Variants in KITLG observed in about 807,000 individuals in gnomAD.
KITLG encodes the protein c-Kit ligand.
Under a neutral mutation model 34.1 loss-of-function variants are expected in KITLG, and 13 were observed. The observed-to-expected ratio is 0.38, with a 90% CI of 0.25 to 0.61. The LOEUF (loss-of-function observed/expected upper bound fraction) is 0.61. KITLG is among the 20% of genes least tolerant of loss of function. KITLG has a pLI of 0.60. For synonymous variants in KITLG, 110 were observed against 104.0 expected, an observed-to-expected ratio of 1.06 and a Z score of -0.35; for missense variants, 292 against 318.9, an observed-to-expected ratio of 0.92 and a Z score of 0.64.
At chr12:88,556,388 A>C (rs1034036045) in intron 1 of KITLG, among the ~76,000 whole-genome samples, 4 of 152,144 alleles carry the variant, frequency 2.6e-5, no homozygotes, top group African/African-American at 9.7e-5. Context: ...TGAAGGATGG[A>C]CTGGGGGAGA....
intron 1 of KITLG, among the ~76,000 whole-genome samples, chr12:88,551,034 T>C (rs1366899841): frequency 1.3e-5 from 2 of 152,174 alleles, no homozygotes; most frequent in East Asian, 3.8e-4. Context: ...AAAAATCCAC[T>C]GGGTCAATGC....
chr12:88,576,601 T>A (rs1871832835), intron 1 of KITLG, among the ~76,000 whole-genome samples: 1 of 152,106 alleles, frequency 6.6e-6, no homozygotes, highest in African/African-American at 2.4e-5. Context: ...AAAACAGAAA[T>A]CCCAAAAAGT....
intron 1 of KITLG, among the ~76,000 whole-genome samples, chr12:88,565,005 G>A (rs941992406): frequency 4.6e-5 from 7 of 152,148 alleles, no homozygotes; most frequent in East Asian, 1.9e-4. Context: ...CTTCCTCCAC[G>A]CTTAATCTCT....
At chr12:88,519,689 C>T (rs552708572) in intron 3 of KITLG, among the ~76,000 whole-genome samples, 6 of 152,064 alleles carry the variant, frequency 3.9e-5, no homozygotes, top group Non-Finnish European at 8.8e-5. Context: ...GGGGTGCAAT[C>T]ATGGTTCACT....
At chr12:88,561,508 T>G (rs1871297397) in intron 1 of KITLG, among the ~76,000 whole-genome samples, 1 of 152,222 alleles carries the variant, frequency 6.6e-6, no homozygotes, top group East Asian at 1.9e-4. Flanking sequence ...CTTAGCACAC[T>G]CTTACTGGAA....
Position 88,515,582 on chromosome 12 carries a change from G to T in KITLG, c.556C>A (p.Pro186Thr), listed in dbSNP as rs1869427025. The T allele has an allele frequency of 1.2e-6, 2 of 1,610,794 alleles. No individual in the cohort carries two copies. The highest frequency in any genetic ancestry group is 1.7e-5 in the Admixed American group (1 of 59,864). The stretch of plus-strand genomic sequence containing the variant: ...CTAAGGGAGCTGGCTGCAACAGGGG[G>T]TAACATAAATGGTTTTGTGACACTG... ...RVSVTKPFMLPPVAASSLRND... is the reference protein window; with the variant it reads ...RVSVTKPFMLTPVAASSLRND... Residue 186 changes from proline to threonine, a missense_variant, in exon 6 of 10, where the codon CCC becomes ACC. By Grantham distance (38) the Pro-to-Thr change is conservative (BLOSUM62 -1). Around this residue, in one of 2 missense-constraint regions of KITLG, gnomAD observed 140 missense variants for 111.0 expected, o/e 1.26. Transcript: ENST00000644744.
chr12:88,561,944 G>C, intron 1 of KITLG, among the ~76,000 whole-genome samples: 1 of 48,038 alleles, frequency 2.1e-5, no homozygotes. Flanking sequence ...GTCTTAAGGA[G>C]CACCTCTTAT....
chr12:88,496,968 C>T lies in KITLG; in HGVS notation c.*251G>A. The T allele has an allele frequency of 5.2e-6, 1 of 191,080 alleles. No individual in the cohort carries two copies. The highest frequency in any genetic ancestry group is 7.7e-5 in the South Asian group (1 of 13,000). The allele number at this position is 191,080 out of a possible 1,614,324, so 11.8% of individuals were successfully genotyped here. ...CTAAATGAGACCCAAGTCCCGCAGT[C>T]CTTAAAATAGAGTCCTGCTCCATGC... On this transcript the variant is annotated 3_prime_UTR_variant, in exon 10 of 10. Coordinates refer to ENST00000644744, the MANE Select transcript of KITLG (RefSeq NM_000899.5).
At chr12:88,527,243 A>G (rs1361193242) in intron 3 of KITLG, among the ~76,000 whole-genome samples, 1 of 152,202 alleles carries the variant, frequency 6.6e-6, no homozygotes, top group Non-Finnish European at 1.5e-5. Context: ...AAGCCATTCA[A>G]TGAATATAAA....
At chr12:88,546,891 G>A (rs1451312856) in intron 1 of KITLG, among the ~76,000 whole-genome samples, 2 of 152,158 alleles carry the variant, frequency 1.3e-5, no homozygotes, top group African/African-American at 2.4e-5. Context: ...GAACACAGAA[G>A]AGGAAGCAAT....
rs1328973805 is a variant in KITLG, at chr12:88,580,342, G to A, written c.-64C>T. ...GTGGCGACTCCGTTTAGCTGTTCTGGAGCTCCAGCATATTGCACGAACAGC... is the reference window on the plus strand; with the variant it reads ...GTGGCGACTCCGTTTAGCTGTTCTGAAGCTCCAGCATATTGCACGAACAGC... On this transcript the variant is annotated 5_prime_UTR_variant, in exon 1 of 10. Coordinates refer to ENST00000644744, the MANE Select transcript of KITLG (RefSeq NM_000899.5). 1.9e-6 allele frequency: 3 copies of A among 1,594,462 alleles called. No individual in the cohort carries two copies. Among genetic ancestry groups the A allele is most frequent in the East Asian group, 4.5e-5 (2 of 44,436 alleles).
At chr12:88,511,768 C>A (rs187055465) in intron 6 of KITLG, among the ~76,000 whole-genome samples, 1 of 152,188 alleles carries the variant, frequency 6.6e-6, no homozygotes, top group East Asian at 1.9e-4. Context: ...TTAAGACAAG[C>A]AATATTGGAG....
At chr12:88,520,370 G>A (rs765289410) in intron 3 of KITLG, among the ~76,000 whole-genome samples, 10 of 152,110 alleles carry the variant, frequency 6.6e-5, no homozygotes, top group South Asian at 2.1e-4. Context: ...CTTATAGACC[G>A]TCAGCCCTAT....
At chr12:88,543,232 G>A (rs1340633402) in intron 2 of KITLG, among the ~76,000 whole-genome samples, 3 of 152,040 alleles carry the variant, frequency 2.0e-5, no homozygotes, top group African/African-American at 7.2e-5. Flanking sequence ...ATTTACATTA[G>A]GTATTTCTCC....
chr12:88,538,447 T>A (rs1471667974), intron 2 of KITLG, among the ~76,000 whole-genome samples: 1 of 151,576 alleles, frequency 6.6e-6, no homozygotes, highest in East Asian at 1.9e-4. Context: ...TTCTATAAAT[T>A]CAGTCTGGTT....
intron 1 of KITLG, among the ~76,000 whole-genome samples, chr12:88,557,657 A>AT (rs1304369370): frequency 6.6e-6 from 1 of 152,170 alleles, no homozygotes; most frequent in Non-Finnish European, 1.5e-5. Flanking sequence ...CTAGGTTTAT[A>AT]TATCTACCGC....
At chr12:88,552,091 G>A (rs573824459) in intron 1 of KITLG, among the ~76,000 whole-genome samples, 25 of 152,050 alleles carry the variant, frequency 1.6e-4, no homozygotes, top group African/African-American at 2.7e-4. Context: ...TTCTCCCCTA[G>A]AGCCTTTGGA....
chr12:88,543,699 C>A (rs1024562728), intron 2 of KITLG, among the ~76,000 whole-genome samples: 2 of 152,100 alleles, frequency 1.3e-5, no homozygotes, highest in Admixed American at 1.3e-4. Flanking sequence ...TCTCATATCA[C>A]CATTAAAATT....
At chr12:88,568,159 GAC>G (rs1291568968) in intron 1 of KITLG, among the ~76,000 whole-genome samples, 2 of 152,060 alleles carry the variant, frequency 1.3e-5, no homozygotes, top group Admixed American at 6.6e-5. Context: ...CATCCTTACA[GAC>G]ACAGAGCAGA....
Sources: allele counts gnomAD v4.1 joint callset (sites outside exome capture counted in the v4.1 genomes callset), GRCh38; gene constraint gnomAD v4.1.1; regional missense constraint gnomAD v4.1.1; transcripts MANE v1.5; gene names NCBI Gene and HGNC (gene_info 2026-07-23, HGNC 2026-07-21).